IL1RL2: variants seen among roughly 807,000 people sequenced by gnomAD.
The protein encoded by IL1RL2 is interleukin 1 receptor like 2.
A neutral mutation model predicts 66.8 loss-of-function variants in IL1RL2; 68 were observed. That is an observed-to-expected ratio of 1.02 (90% CI 0.84 to 1.25). The LOEUF is 1.25. Ranked by LOEUF, IL1RL2 falls within the 50% of genes most tolerant of loss-of-function variation. IL1RL2 has a pLI of 0.00. For synonymous variants in IL1RL2, 305 were observed against 264.6 expected (o/e 1.15, Z -1.48); for missense variants, 729 against 709.3 (o/e 1.03, Z -0.32).
rs563672875 is a variant in IL1RL2 at position 102,205,466 on chromosome 2, G to A, written c.649+3751G>A. 6.6e-5 allele frequency among the ~76,000 whole-genome samples: 10 copies of A among 152,152 alleles called. No individual in the cohort carries two copies. In the South Asian group the frequency reaches 1.5e-3, roughly 22 times the overall value. Reference sequence around the variant, plus strand: ...CAGTAGATGAAATCCTTCAGCTTTCGTTTGTCTGGGAAAGTCTATTTCTTC... The same window carrying A: ...CAGTAGATGAAATCCTTCAGCTTTCATTTGTCTGGGAAAGTCTATTTCTTC... On this transcript the variant is annotated intron_variant, in intron 5 of 11. Transcript: ENST00000264257.
chr2:102,239,224 A>G lies in IL1RL2; in HGVS notation c.1711A>G (p.Thr571Ala), dbSNP rs778995447. ...PELGSRRKKC[T>A]LTTG ...ACTAGGCTCAAGAAGAAAGAAGTGT[A>G]CTCTCACGACTGGCTAAGACTTGCT... Residue 571 changes from threonine to alanine, a missense_variant, in exon 12 of 12, where the codon ACT (threonine) becomes GCT (alanine). Thr to Ala is a moderately conservative substitution (Grantham distance 58, BLOSUM62 0). Transcript: ENST00000264257. The G allele has an allele frequency of 1.9e-6, 3 of 1,613,984 alleles. No homozygotes were observed. The highest frequency in any genetic ancestry group is 2.2e-5 in the South Asian group (2 of 91,080).
intron 9 of IL1RL2, among the ~76,000 whole-genome samples, 166 bp downstream of exon 9, chr2:102,226,207 C>G (rs956413147): frequency 2.0e-5 from 3 of 152,216 alleles, no homozygotes; most frequent in Non-Finnish European, 4.4e-5. Context: ...TGTCCCTAAT[C>G]ACCAGCATCA....
chr2:102,200,026 A>G (rs1193446447), intron 4 of IL1RL2, among the ~76,000 whole-genome samples: 11 of 150,480 alleles, frequency 7.3e-5, no homozygotes, highest in African/African-American at 2.7e-4. Context: ...GTGTGGTGGC[A>G]CGTACCTGTA....
chr2:102,203,834 A>G lies in IL1RL2; in HGVS notation c.649+2119A>G, dbSNP rs185927175. Reference sequence around the variant, plus strand: ...TGCTTAGTCTGGCTAAAGGTTTGTCAATTTTGTTTCCCTTTTTAAAGAACC... The same window carrying G: ...TGCTTAGTCTGGCTAAAGGTTTGTCGATTTTGTTTCCCTTTTTAAAGAACC... On this transcript the variant is annotated intron_variant, in intron 5 of 11. Coordinates refer to ENST00000264257, the MANE Select transcript of IL1RL2 (RefSeq NM_003854.4). Among the ~76,000 whole-genome samples the G allele has an allele frequency of 1.5e-3, 222 of 151,270 alleles. 2 individuals are homozygous for G. Among genetic ancestry groups the G allele is most frequent in the African/African-American group, 5.0e-3 (205 of 41,268 alleles).
At chr2:102,215,718 C>T (rs1190815011) in intron 6 of IL1RL2, among the ~76,000 whole-genome samples, 1 of 152,170 alleles carries the variant, frequency 6.6e-6, no homozygotes, top group Non-Finnish European at 1.5e-5. Context: ...CCAGTACAAA[C>T]TCCTGCAGCC....
Position 102,187,096 on chromosome 2 carries a change from G to A in IL1RL2, c.-13+10G>A, listed in dbSNP as rs1286426280. The A allele has an allele frequency of 2.3e-5, 30 of 1,289,592 alleles. No individual in the cohort carries two copies. The highest frequency in any genetic ancestry group is 2.1e-4 in the Middle Eastern group (1 of 4,712). The allele number at this position is 1,289,592 out of a possible 1,614,324, so 79.9% of individuals were successfully genotyped here. ...TCAATCCTGCAGGCAGGTAGACACC[G>A]GGCCGGGAGTCTGGCTGAGCCAGGC... On this transcript the variant is annotated intron_variant, in intron 1 of 11. Transcript: ENST00000264257.
intron 10 of IL1RL2, 144 bp from the exon 11 acceptor site, chr2:102,234,753 C>T: frequency 4.1e-6 from 3 of 730,072 alleles, no homozygotes; most frequent in Middle Eastern, 3.9e-4. Context: ...CATCCCTGCA[C>T]TCCAACCTGG....
Position 102,239,408 on chromosome 2 carries a change from C to T in IL1RL2, c.*167C>T. The T allele has an allele frequency of 1.6e-6, 1 of 626,224 alleles. No homozygotes were observed. 38.8% of individuals were successfully genotyped at this position (626,224 alleles called of 1,614,324 possible). A position where few individuals can be genotyped will look rare whatever the true frequency, so the allele number is the denominator to read the frequency against. On this transcript the variant is annotated 3_prime_UTR_variant, in exon 12 of 12. Transcript: ENST00000264257. ...AGGATGGGATAAGAACTGGGGCCAT[C>T]CCCATGTCATGGTGGGTGAGAGCTG...
intron 8 of IL1RL2, among the ~76,000 whole-genome samples, chr2:102,223,595 C>T (rs3729564): frequency 0.28 from 42,644 of 151,978 alleles, 6,624 homozygotes; most frequent in East Asian, 0.39. Context: ...TCTTTTAGCT[C>T]GTTTACAGAG....
chr2:102,197,330 T>A (rs1021410397), intron 4 of IL1RL2, among the ~76,000 whole-genome samples: 4 of 152,060 alleles, frequency 2.6e-5, no homozygotes, highest in African/African-American at 9.7e-5. Flanking sequence ...GTTGAGGTAC[T>A]GGAAGGGAAG....
At chr2:102,194,837 C>T (rs1251283593) in intron 4 of IL1RL2, among the ~76,000 whole-genome samples, 1 of 151,984 alleles carries the variant, frequency 6.6e-6, no homozygotes, top group Admixed American at 6.6e-5. Flanking sequence ...AACCTTGAAC[C>T]CCTGGGCTCG....
In IL1RL2 at chr2:102,239,656, C is replaced by T. The variant is rs903313315; in HGVS notation, c.*415C>T. On this transcript the variant is annotated 3_prime_UTR_variant, in exon 12 of 12. Transcript: ENST00000264257. The stretch of plus-strand genomic sequence containing the variant: ...TGGGTGAGAGCTGGGGGTATCCCTA[C>T]ATCATGGTGGGTGAGAGCTGGGAGC... 10 of 160,146 alleles carry T rather than the reference C, an allele frequency of 6.2e-5. No individual in the cohort carries two copies. The highest frequency in any genetic ancestry group is 4.0e-4 in the South Asian group (3 of 7,590). 9.9% of individuals were successfully genotyped at this position (160,146 alleles called of 1,614,324 possible). A position where few individuals can be genotyped will look rare whatever the true frequency, so the allele number is the denominator to read the frequency against.
chr2:102,226,736 C>G (rs1690652576), intron 9 of IL1RL2, among the ~76,000 whole-genome samples: 1 of 149,668 alleles, frequency 6.7e-6, no homozygotes, highest in East Asian at 2.0e-4. Context: ...AGAAAAGAAA[C>G]TAAAGAAAGC....
intron 9 of IL1RL2, among the ~76,000 whole-genome samples, chr2:102,230,583 C>A (rs578026861): frequency 6.6e-6 from 1 of 152,218 alleles, no homozygotes; most frequent in Admixed American, 6.5e-5. Context: ...GCCTCCTCTG[C>A]GCCCGGTCCT....
intron 11 of IL1RL2, among the ~76,000 whole-genome samples, chr2:102,236,394 C>T (rs1674888513): frequency 1.3e-5 from 2 of 152,108 alleles, no homozygotes; most frequent in Non-Finnish European, 2.9e-5. Context: ...TGCCCTCGTT[C>T]ACAGGCGATG....
chr2:102,209,487 G>A (rs535496056), intron 5 of IL1RL2, among the ~76,000 whole-genome samples: 3 of 152,148 alleles, frequency 2.0e-5, no homozygotes, highest in South Asian at 2.1e-4. Context: ...AGAGAACAGA[G>A]GGAACAGTAT....
chr2:102,233,104 G>C lies in IL1RL2; in HGVS notation c.1277G>C (p.Arg426Thr), dbSNP rs773746463. The C allele has an allele frequency of 6.2e-7, 1 of 1,612,174 alleles. No individual in the cohort carries two copies. The highest frequency in any genetic ancestry group is 8.5e-7 in the Non-Finnish European group (1 of 1,178,672). The change falls in exon 10 of 12, where the codon AGA becomes ACA. Residue 426 changes from arginine (R) to threonine (T), a missense_variant. By Grantham distance (71) the Arg-to-Thr change is moderately conservative. Coordinates refer to ENST00000264257, the MANE Select transcript of IL1RL2 (RefSeq NM_003854.4). ...QCGYKLFIFGRDEFPGQAVAN... is the reference protein window; with the variant it reads ...QCGYKLFIFGTDEFPGQAVAN... Reference sequence around the variant, plus strand: ...GGATATAAGTTGTTTATATTCGGCAGAGATGAATTCCCTGGACAAGGTGGG... The same window carrying C: ...GGATATAAGTTGTTTATATTCGGCACAGATGAATTCCCTGGACAAGGTGGG...
intron 11 of IL1RL2, among the ~76,000 whole-genome samples, chr2:102,237,023 C>T (rs1674944584): frequency 1.3e-5 from 2 of 152,126 alleles, no homozygotes; most frequent in Non-Finnish European, 2.9e-5. Context: ...TGCTGACAGC[C>T]TCGACTGATG....
Position 102,233,054 on chromosome 2 carries a change from G to C in IL1RL2, c.1227G>C (p.Leu409=). The C allele has an allele frequency of 6.2e-7, 1 of 1,614,176 alleles. No homozygotes were observed. The highest frequency in any genetic ancestry group is 8.5e-7 in the Non-Finnish European group (1 of 1,180,022). ...HAVDALVLNI[L]PEVLERQCGY... ...TGGATGCCCTGGTGTTGAATATCCT[G>C]CCCGAGGTGTTGGAGAGACAATGTG... The change falls in exon 10 of 12, where the codon CTG becomes CTC. Residue 409 remains leucine, a synonymous_variant. Transcript: ENST00000264257.
Sources: gnomAD v4.1 joint callset for allele counts (sites outside exome capture counted in the v4.1 genomes callset) on GRCh38, gnomAD v4.1.1 for gene constraint, MANE v1.5 for transcripts, NCBI Gene and HGNC (gene_info 2026-07-23, HGNC 2026-07-21) for gene names.